Variants in RBBP7 observed in about 807,000 individuals in gnomAD.
RBBP7 encodes the protein RB binding protein 7, chromatin remodeling factor, also known as histone-binding protein RBBP7.
Under a neutral mutation model 35.2 loss-of-function variants are expected in RBBP7, and 5 were observed. The observed-to-expected ratio is 0.14, with a 90% CI of 0.07 to 0.30. The LOEUF is 0.30. RBBP7 is among the 10% of genes least tolerant of loss of function. RBBP7 has a pLI of 1.00. For missense variants in RBBP7, 155 were observed against 327.5 expected, an observed-to-expected ratio of 0.47 and a Z score of 4.07; for synonymous variants, 140 against 118.7, an observed-to-expected ratio of 1.18 and a Z score of -1.17.
At position 16,870,255 on chromosome X, in the gene RBBP7, T is replaced by C; in HGVS notation, c.-202A>G. On this transcript the variant is annotated 5_prime_UTR_variant, in exon 1 of 12. Transcript: ENST00000380087. ...TCCTCCCCGCTCGCGGGTACCGAGG[T>C]CTGAGGCGCTCTTCTCTCTCTCTCC... The C allele has an allele frequency of 2.3e-6, 1 of 430,555 alleles. No individual in the cohort carries two copies. Among genetic ancestry groups the C allele is most frequent in the Non-Finnish European group, 3.1e-6 (1 of 324,761 alleles). The allele number at this position is 430,555 out of a possible 1,213,427, so 35.5% of individuals were successfully genotyped here. A position where few individuals can be genotyped will look rare whatever the true frequency, so the allele number is the denominator to read the frequency against.
chrX:16,854,729 T>C (rs1318331611), intron 5 of RBBP7, among the ~76,000 whole-genome samples: 1 of 108,579 alleles, frequency 9.2e-6, no homozygotes, highest in Non-Finnish European at 1.9e-5. Context: ...CCCAATGATG[T>C]GCTCCTTGAA....
chrX:16,869,894 C>A, intron 1 of RBBP7, 144 bp downstream of exon 1: 1 of 787,703 alleles, frequency 1.3e-6, no homozygotes, highest in Non-Finnish European at 1.5e-6. Flanking sequence ...CGCGCAGGCC[C>A]CTCGAGGCGC....
intron 2 of RBBP7, among the ~76,000 whole-genome samples, chrX:16,868,603 A>G (rs1290638830): frequency 5.3e-5 from 6 of 112,686 alleles, no homozygotes; most frequent in Non-Finnish European, 1.1e-4. Context: ...AGCCGATAAC[A>G]TCTTTTCTTT....
chrX:16,857,746 T>A, intron 4 of RBBP7, 37 bp from the exon 5 acceptor site: 2 of 1,184,884 alleles, frequency 1.7e-6, no homozygotes, highest in Non-Finnish European at 1.1e-6. Context: ...TATTCTCTGT[T>A]TATCAGAACT....
chrX:16,869,777 G>T, intron 1 of RBBP7: 23 of 947,126 alleles, frequency 2.4e-5, no homozygotes, highest in Non-Finnish European at 3.0e-5. Context: ...CGAGGGCGCC[G>T]GAGGGAGCGC....
intron 5 of RBBP7, among the ~76,000 whole-genome samples, chrX:16,855,876 A>C (rs1023577649): frequency 2.8e-5 from 3 of 107,380 alleles, no homozygotes; most frequent in Non-Finnish European, 5.8e-5. Context: ...GGGCGCCTGT[A>C]GTCCCACCTA....
At chrX:16,853,942 G>A in intron 5 of RBBP7, 100 bp from the exon 6 acceptor site, 1 of 728,483 alleles carries the variant, frequency 1.4e-6, no homozygotes, top group Non-Finnish European at 1.8e-6. Context: ...ACCCAGGCTG[G>A]TGCGATCTCG....
chrX:16,866,766 T>C (rs1054686659), intron 2 of RBBP7, among the ~76,000 whole-genome samples: 18 of 110,025 alleles, frequency 1.6e-4, no homozygotes, highest in Admixed American at 8.8e-4. Flanking sequence ...ACATTTTTAC[T>C]GTTCTGTATG....
At chrX:16,859,118 TTTCAG>T (rs1179675459) in intron 3 of RBBP7, among the ~76,000 whole-genome samples, 1 of 112,854 alleles carries the variant, frequency 8.9e-6, no homozygotes, top group Non-Finnish European at 1.9e-5. Flanking sequence ...AACTGTCCTC[TTTCAG>T]TTATGAAGAT....
In RBBP7 at chrX:16,864,126, TAAAA is replaced by T. The variant is rs1046302281; in HGVS notation, c.162-1030_162-1027del. Reference sequence around the variant, plus strand: ...AATTTTACCAAAATTTGGCTTACGGTAAAAAAGTGTGTGCACATGGAGAAGAGAC... The same window carrying T: ...AATTTTACCAAAATTTGGCTTACGGTAAGTGTGTGCACATGGAGAAGAGAC... On this transcript the variant is annotated intron_variant, in intron 2 of 11. Coordinates refer to ENST00000380087, the MANE Select transcript of RBBP7 (RefSeq NM_002893.4). Among the ~76,000 whole-genome samples the T allele has an allele frequency of 3.7e-5, 4 of 107,821 alleles. No individual in the cohort carries two copies. The East Asian group carries it at 1.1e-3, about 31-fold the overall frequency. 93.6% of individuals were successfully genotyped at this position (107,821 alleles called of 115,157 possible).
chrX:16,851,855 T>G (rs1187579592), intron 9 of RBBP7, among the ~76,000 whole-genome samples, 191 bp downstream of exon 9: 1 of 112,574 alleles, frequency 8.9e-6, no homozygotes, highest in Non-Finnish European at 1.9e-5. Flanking sequence ...AGAAATTTAT[T>G]TTATGGTCCA....
rs199796174 is a variant in RBBP7 at position 16,844,993 on chromosome X, T to C, written c.*42A>G. On this transcript the variant is annotated 3_prime_UTR_variant, in exon 12 of 12. Transcript: ENST00000380087. ...TGGCGCTTGATAAATCAAGCATTCA[T>C]GTAGCATTACATTCAACAGAAACAT... 9 of 1,126,340 alleles carry C rather than the reference T, an allele frequency of 8.0e-6. No individual in the cohort carries two copies. In the Admixed American group the frequency reaches 1.8e-4, roughly 22 times the overall value. 92.8% of individuals were successfully genotyped at this position (1,126,340 alleles called of 1,213,427 possible).
At chrX:16,868,989 T>C (rs749093925) in intron 2 of RBBP7, 87 bp downstream of exon 2, 3 of 1,022,361 alleles carry the variant, frequency 2.9e-6, no homozygotes, top group Non-Finnish European at 4.0e-6. Flanking sequence ...GATTACATAC[T>C]TATGTTCTAT....
chrX:16,858,542 G>A, intron 4 of RBBP7, 134 bp downstream of exon 4: 1 of 959,304 alleles, frequency 1.0e-6, no homozygotes, highest in Non-Finnish European at 1.4e-6. Context: ...CTGAACTTGA[G>A]GATGGTTATG....
rs1930029237 is a variant in RBBP7 at position 16,844,794 on chromosome X, C to G, written c.*241G>C. 3.5e-6 allele frequency: 1 copy of G among 289,425 alleles called. No individual in the cohort carries two copies. Among genetic ancestry groups the G allele is most frequent in the Non-Finnish European group, 6.0e-6 (1 of 165,822 alleles). 23.9% of individuals were successfully genotyped at this position (289,425 alleles called of 1,213,427 possible). On this transcript the variant is annotated 3_prime_UTR_variant, in exon 12 of 12. Coordinates refer to ENST00000380087, the MANE Select transcript of RBBP7 (RefSeq NM_002893.4). ...AAAACAGTTGAATCAAAGGCAATAC[C>G]CTGCTACTTGTATTTAAAATCAATG...
At position 16,869,237 on chromosome X, in the gene RBBP7, G is replaced by A. The variant is rs747642263; in HGVS notation, c.17-17C>T. On this transcript the variant is annotated splice_polypyrimidine_tract_variant and intron_variant, in intron 1 of 11. Transcript: ENST00000380087. ...CTTCAAACACTGAAATTTGGAGAAA[G>A]CCCACACGATTAAGTGGCTGAGATA... 3.3e-6 allele frequency: 4 copies of A among 1,199,577 alleles called. No homozygotes were observed. The Admixed American group carries it at 9.1e-5, about 27-fold the overall frequency.
Position 16,844,541 on chromosome X carries a change from T to A in RBBP7, c.*494A>T, listed in dbSNP as rs1930017734. 1.8e-5 allele frequency: 2 copies of A among 111,357 alleles called. No homozygotes were observed. Among genetic ancestry groups the A allele is most frequent in the Admixed American group, 1.9e-4 (2 of 10,412 alleles). 9.2% of individuals were successfully genotyped at this position (111,357 alleles called of 1,213,427 possible). On this transcript the variant is annotated 3_prime_UTR_variant, in exon 12 of 12. Coordinates refer to ENST00000380087, the MANE Select transcript of RBBP7 (RefSeq NM_002893.4). ...TTAACAGCTTCTGTGTATTCTTTCA[T>A]TATCCATGTGACCTTAACTGTAGGA...
chrX:16,863,427 T>C (rs1930523610), intron 2 of RBBP7, among the ~76,000 whole-genome samples: 1 of 111,404 alleles, frequency 9.0e-6, no homozygotes, highest in African/African-American at 3.3e-5. Context: ...CAGACAAACA[T>C]CTACACAGGA....
At chrX:16,856,411 T>C (rs554641819) in intron 5 of RBBP7, among the ~76,000 whole-genome samples, 4 of 111,010 alleles carry the variant, frequency 3.6e-5, no homozygotes, top group African/African-American at 9.8e-5. Flanking sequence ...ATGGCTGTAA[T>C]CTCAGCTACT....
Sources: gnomAD v4.1 joint callset for allele counts (sites outside exome capture counted in the v4.1 genomes callset) on GRCh38, gnomAD v4.1.1 for gene constraint, MANE v1.5 for transcripts, NCBI Gene and HGNC (gene_info 2026-07-23, HGNC 2026-07-21) for gene names.